The following PLA2G4A variants were observed in gnomAD, a reference collection of about 807,000 sequenced individuals.
PLA2G4A encodes the protein phospholipase A2 group IVA, also known as cytosolic phospholipase A2.
A neutral mutation model predicts 81.9 loss-of-function variants in PLA2G4A; 40 were observed. The ratio of observed to expected loss-of-function variants is 0.49; its 90% CI spans 0.38 to 0.64. PLA2G4A has a LOEUF of 0.64. PLA2G4A is among the 30% of genes least tolerant of loss of function. PLA2G4A has a pLI of 0.00. For missense variants in PLA2G4A, 715 were observed against 905.1 expected (o/e 0.79, Z 2.69); for synonymous variants, 302 against 296.9 (o/e 1.02, Z -0.18).
intron 1 of PLA2G4A, among the ~76,000 whole-genome samples, chr1:186,844,805 T>G (rs1652114413): frequency 6.6e-6 from 1 of 152,228 alleles, no homozygotes; most frequent in African/African-American, 2.4e-5. Context: ...TTTATTGTTG[T>G]ATATGAAAAT....
At chr1:186,943,630 A>C (rs1217206814) in intron 10 of PLA2G4A, among the ~76,000 whole-genome samples, 1 of 152,154 alleles carries the variant, frequency 6.6e-6, no homozygotes. Flanking sequence ...ATGTAGAAGG[A>C]TCTATCAAGT....
At chr1:186,961,639 A>G (rs539889424) in intron 14 of PLA2G4A, among the ~76,000 whole-genome samples, 39 of 152,330 alleles carry the variant, frequency 2.6e-4, no homozygotes, top group African/African-American at 8.4e-4. Flanking sequence ...GATTTAAGAA[A>G]GGATAAAAGG....
chr1:186,935,792 G>C (rs772729987), intron 8 of PLA2G4A, among the ~76,000 whole-genome samples: 1 of 151,856 alleles, frequency 6.6e-6, no homozygotes, highest in African/African-American at 2.4e-5. Context: ...GCTGATACAC[G>C]GCCATTATTT....
intron 17 of PLA2G4A, among the ~76,000 whole-genome samples, chr1:186,979,949 T>G (rs1262464509): frequency 7.2e-6 from 1 of 139,158 alleles, no homozygotes; most frequent in African/African-American, 2.6e-5. Flanking sequence ...TTTCCTTTTT[T>G]TTTTTTTTTT....
At chr1:186,852,527 A>T (rs1652411162) in intron 1 of PLA2G4A, among the ~76,000 whole-genome samples, 1 of 152,094 alleles carries the variant, frequency 6.6e-6, no homozygotes, top group South Asian at 2.1e-4. Flanking sequence ...CCAAGGAGCC[A>T]GCAGTTTTGG....
intron 12 of PLA2G4A, among the ~76,000 whole-genome samples, chr1:186,947,856 G>C (rs1333876824): frequency 6.6e-6 from 1 of 152,092 alleles, no homozygotes; most frequent in African/African-American, 2.4e-5. Context: ...CAAAGAAGTC[G>C]ACAGAATAAC....
chr1:186,960,928 A>G (rs1216528659), intron 14 of PLA2G4A, among the ~76,000 whole-genome samples: 4 of 152,152 alleles, frequency 2.6e-5, no homozygotes, highest in East Asian at 1.9e-4. Context: ...TTATTTAATC[A>G]TGGCACTCTT....
rs1287186995 is a variant in PLA2G4A, at chr1:186,944,382, A to T, written c.1034-2255A>T. On this transcript the variant is annotated intron_variant, in intron 10 of 17. Coordinates refer to ENST00000367466, the MANE Select transcript of PLA2G4A (RefSeq NM_024420.3). ...TACTATGTGCCCAGGCCATGGCGCT[A>T]ATCAAGAAGAGATCGCTAGAAAAGC... Among the ~76,000 whole-genome samples the T allele has an allele frequency of 2.0e-5, 3 of 152,118 alleles. No individual in the cohort carries two copies. In the East Asian group the frequency reaches 5.8e-4, roughly 29 times the overall value.
At position 186,957,780 on chromosome 1, in the gene PLA2G4A, A is replaced by G. The variant is rs1343521006; in HGVS notation, c.1579+1436A>G. 2.0e-5 allele frequency among the ~76,000 whole-genome samples: 3 copies of G among 152,198 alleles called. No individual in the cohort carries two copies. The East Asian group carries it at 5.8e-4, about 29-fold the overall frequency. Reference sequence around the variant, plus strand: ...TGGTTTTCAGTTCCATGCCTGTTATAAAGTTAAATTTGCTTTGGTGACCAA... The same window carrying G: ...TGGTTTTCAGTTCCATGCCTGTTATGAAGTTAAATTTGCTTTGGTGACCAA... On this transcript the variant is annotated intron_variant, in intron 14 of 17. Transcript: ENST00000367466.
At chr1:186,893,288 C>T (rs1384174909) in intron 4 of PLA2G4A, 129 bp downstream of exon 4, 1 of 800,702 alleles carries the variant, frequency 1.2e-6, no homozygotes, top group East Asian at 2.4e-5. Context: ...GCTTGGTAGA[C>T]TAGAATCTAA....
chr1:186,831,744 GTAATTCAATCAT>G (rs1651598783), intron 1 of PLA2G4A, among the ~76,000 whole-genome samples: 1 of 152,084 alleles, frequency 6.6e-6, no homozygotes, highest in South Asian at 2.1e-4. Flanking sequence ...CTTTTAAAAT[GTAATTCAATCAT>G]TAATTCAATC....
Position 186,946,949 on chromosome 1 carries a change from G to A in PLA2G4A, c.1252G>A (p.Glu418Lys), listed in dbSNP as rs952938652. 1 of 1,592,894 alleles carries A rather than the reference G, an allele frequency of 6.3e-7. No homozygotes were observed. The highest frequency in any genetic ancestry group is 1.7e-5 in the Admixed American group (1 of 59,924). Residue 418 changes from glutamate (E) to lysine (K), a missense_variant, in exon 12 of 18, where the codon GAG (glutamate) becomes AAG (lysine). Coordinates refer to ENST00000367466, the MANE Select transcript of PLA2G4A (RefSeq NM_024420.3). ...TTCACAAAGCAGAGGCTCCACAATG[G>A]AGGAAGAATTAGGTATCCTAAAGAT... ...SGSQSRGSTMEEELENITTKH... is the reference protein window; with the variant it reads ...SGSQSRGSTMKEELENITTKH...
chr1:186,878,177 CTGATA>C (rs1653578416), intron 3 of PLA2G4A, among the ~76,000 whole-genome samples: 1 of 142,782 alleles, frequency 7.0e-6, no homozygotes, highest in African/African-American at 2.5e-5. Context: ...TATATCTTTT[CTGATA>C]TATTTTATAT....
At chr1:186,856,083 C>T (rs1354983011) in intron 2 of PLA2G4A, among the ~76,000 whole-genome samples, 1 of 151,896 alleles carries the variant, frequency 6.6e-6, no homozygotes, top group Non-Finnish European at 1.5e-5. Context: ...CACACACACT[C>T]ATGCATGCAT....
intron 3 of PLA2G4A, among the ~76,000 whole-genome samples, chr1:186,877,361 G>T (rs372463149): frequency 1.3e-3 from 194 of 151,974 alleles, no homozygotes; most frequent in African/African-American, 4.3e-3. Flanking sequence ...CAATTGTTTC[G>T]AACACAATTA....
At chr1:186,887,004 G>A (rs1215400837) in intron 3 of PLA2G4A, among the ~76,000 whole-genome samples, 2 of 152,144 alleles carry the variant, frequency 1.3e-5, no homozygotes, top group African/African-American at 4.8e-5. Flanking sequence ...TGGAGAATAT[G>A]ATTGAAGGTG....
intron 15 of PLA2G4A, among the ~76,000 whole-genome samples, chr1:186,977,037 G>A (rs748330360): frequency 1.3e-5 from 2 of 152,140 alleles, no homozygotes; most frequent in African/African-American, 2.4e-5. Context: ...TCTCTTGGCC[G>A]TTACATGTAA....
chr1:186,944,958 CAAAG>C (rs2102230091), intron 10 of PLA2G4A, among the ~76,000 whole-genome samples: 1 of 151,836 alleles, frequency 6.6e-6, no homozygotes, highest in African/African-American at 2.4e-5. Flanking sequence ...AAATGAGTAA[CAAAG>C]AAGCTTATGA....
intron 7 of PLA2G4A, among the ~76,000 whole-genome samples, chr1:186,918,737 G>A (rs537810134): frequency 6.6e-6 from 1 of 152,342 alleles, no homozygotes; most frequent in African/African-American, 2.4e-5. Context: ...AGGGTGGTGG[G>A]ATTTAGGGTG....
Sources: allele counts gnomAD v4.1 joint callset (sites outside exome capture counted in the v4.1 genomes callset), GRCh38; gene constraint gnomAD v4.1.1; transcripts MANE v1.5; gene names NCBI Gene and HGNC (gene_info 2026-07-23, HGNC 2026-07-21).